PHF14: variants seen among roughly 807,000 people sequenced by gnomAD.
PHF14 encodes PHD finger protein 14.
Under a neutral mutation model 117.9 loss-of-function variants are expected in PHF14, and 55 were observed. That is an observed-to-expected ratio of 0.47 (90% confidence interval 0.38 to 0.58). The LOEUF is 0.58. Ranked by LOEUF, PHF14 falls within the 20% of genes least tolerant of loss-of-function variation. The pLI, the probability that PHF14 is intolerant of heterozygous loss-of-function variation, is 0.00. For synonymous variants in PHF14, 409 were observed against 368.6 expected (o/e 1.11, Z -1.26); for missense variants, 978 against 1,122.2 (o/e 0.87, Z 1.84).
intron 17 of PHF14, among the ~76,000 whole-genome samples, chr7:11,150,809 C>A (rs537857579): frequency 6.6e-6 from 1 of 152,230 alleles, no homozygotes; most frequent in South Asian, 2.1e-4. Flanking sequence ...TACTTAGATT[C>A]TAAGAGTTCA....
rs113170104 is a variant in PHF14, at chr7:10,986,870, T to C, written c.900+3711T>C. ...TATCAATAGAATTGGCATTTTTGTT[T>C]TGTAAAAGAAAGAAGAGCTCTGTTC... On this transcript the variant is annotated intron_variant, in intron 3 of 17. Transcript: ENST00000634607. Among the ~76,000 whole-genome samples, 535 of 152,344 alleles carry C rather than the reference T, an allele frequency of 3.5e-3. 2 individuals carry two copies. Among genetic ancestry groups the C allele is most frequent in the African/African-American group, 0.012 (518 of 41,590 alleles).
At chr7:10,993,879 C>T (rs1782542747) in intron 4 of PHF14, among the ~76,000 whole-genome samples, 1 of 151,672 alleles carries the variant, frequency 6.6e-6, no homozygotes, top group South Asian at 2.1e-4. Flanking sequence ...CATGGTGGCA[C>T]GTGCCTGTAA....
chr7:11,033,304 G>T (rs534077998), intron 7 of PHF14, among the ~76,000 whole-genome samples: 1 of 152,158 alleles, frequency 6.6e-6, no homozygotes, highest in Non-Finnish European at 1.5e-5. Flanking sequence ...GGGGAGTTTG[G>T]TTCCAGGGAT....
Position 11,047,127 on chromosome 7 carries a change from G to A in PHF14, c.2312+4313G>A, listed in dbSNP as rs374602064. On this transcript the variant is annotated intron_variant, in intron 13 of 17. Coordinates refer to ENST00000634607, the MANE Select transcript of PHF14 (RefSeq NM_001007157.2). Reference sequence around the variant, plus strand: ...TCTGTCACCCAGGCTGGGGTGCAGTGGCACAATCGCAACTCACCGCAACTT... The same window carrying A: ...TCTGTCACCCAGGCTGGGGTGCAGTAGCACAATCGCAACTCACCGCAACTT... Among the ~76,000 whole-genome samples, 19 of 151,372 alleles carry A rather than the reference G, an allele frequency of 1.3e-4. No individual in the cohort carries two copies. In the South Asian group the frequency reaches 2.7e-3, roughly 22 times the overall value.
chr7:11,137,035 T>C (rs1221805753), intron 17 of PHF14, among the ~76,000 whole-genome samples: 1 of 152,152 alleles, frequency 6.6e-6, no homozygotes, highest in East Asian at 1.9e-4. Context: ...GGGACAAACA[T>C]TGGTTCTTAT....
chr7:11,104,363 T>A (rs1787186870), intron 16 of PHF14: 7 of 966,530 alleles, frequency 7.2e-6, no homozygotes, highest in Non-Finnish European at 8.6e-6. Flanking sequence ...AAACTTGAAG[T>A]AACTAGAATA....
intron 16 of PHF14, among the ~76,000 whole-genome samples, chr7:11,098,532 C>T (rs559597477): frequency 4.6e-5 from 7 of 152,166 alleles, no homozygotes; most frequent in Non-Finnish European, 1.0e-4. Context: ...TTCCCCCAAC[C>T]TTCTGGCTCG....
Position 11,013,894 on chromosome 7 carries a change from C to A in PHF14, c.1193C>A (p.Thr398Lys). The A allele has an allele frequency of 6.2e-7, 1 of 1,601,420 alleles. No homozygotes were observed. Among genetic ancestry groups the A allele is most frequent in the South Asian group, 1.1e-5 (1 of 89,660 alleles). Residue 398 changes from threonine to lysine, a missense_variant, in exon 5 of 18, where the codon ACA (threonine) becomes AAA (lysine). Coordinates refer to ENST00000634607, the MANE Select transcript of PHF14 (RefSeq NM_001007157.2). ...CPNQDGIFKE[T>K]DAGRWVHIVC... ...AATCAGGATGGAATTTTCAAGGAGA[C>A]AGATGCTGGAAGGTTAATGTCCTAA...
intron 16 of PHF14, among the ~76,000 whole-genome samples, chr7:11,099,443 G>C (rs1485377202): frequency 6.6e-6 from 1 of 152,080 alleles, no homozygotes; most frequent in Non-Finnish European, 1.5e-5. Context: ...ATTACATAGT[G>C]AAGTGTGGTA....
intron 16 of PHF14, among the ~76,000 whole-genome samples, chr7:11,091,380 T>G (rs999939165): frequency 6.6e-6 from 1 of 151,982 alleles, no homozygotes; most frequent in Non-Finnish European, 1.5e-5. Flanking sequence ...TGGAGAAAAA[T>G]ATAATAGGTG....
intron 4 of PHF14, among the ~76,000 whole-genome samples, chr7:11,002,341 G>C (rs1000696139): frequency 3.9e-5 from 6 of 152,092 alleles, no homozygotes; most frequent in African/African-American, 4.8e-5. Context: ...GTAGGTCAAG[G>C]GGGGAGCCAG....
chr7:11,168,015 G>A (rs1392317106), intron 17 of PHF14, among the ~76,000 whole-genome samples: 1 of 113,212 alleles, frequency 8.8e-6, no homozygotes, highest in Admixed American at 1.0e-4. Flanking sequence ...GAAAGAGTCC[G>A]TCTCAAAAAA....
chr7:10,996,926 C>G (rs1229707988), intron 4 of PHF14, among the ~76,000 whole-genome samples: 1 of 152,110 alleles, frequency 6.6e-6, no homozygotes, highest in South Asian at 2.1e-4. Context: ...ACTCAACAGC[C>G]GTAGGTTTTA....
intron 5 of PHF14, among the ~76,000 whole-genome samples, chr7:11,020,300 G>C (rs1783690203): frequency 6.6e-6 from 1 of 152,000 alleles, no homozygotes; most frequent in East Asian, 1.9e-4. Context: ...CTGTTGCCCA[G>C]GCTGGTCTTG....
At chr7:11,037,477 C>T (rs552894594) in intron 10 of PHF14, among the ~76,000 whole-genome samples, 1 of 152,286 alleles carries the variant, frequency 6.6e-6, no homozygotes, top group South Asian at 2.1e-4. Context: ...TCATGTGACT[C>T]TGTTCTCTAT....
At chr7:11,039,487 T>C (rs117154562) in intron 11 of PHF14, among the ~76,000 whole-genome samples, 3,008 of 152,276 alleles carry the variant, frequency 0.02, 40 homozygotes, top group Middle Eastern at 0.044. Context: ...TTTGAATGCC[T>C]TTTTTAGTAC....
chr7:11,014,171 A>C (rs1300389331), intron 5 of PHF14, among the ~76,000 whole-genome samples: 3 of 152,162 alleles, frequency 2.0e-5, no homozygotes, highest in African/African-American at 7.2e-5. Context: ...AACGTTTCTC[A>C]TTTTATAGGT....
chr7:11,074,937 C>CTT lies in PHF14; in HGVS notation c.2654+12870_2654+12871dup, dbSNP rs751367742. ...AAGCTGCTTCCATATTTTCAGATAT[C>CTT]TTTTTTTTTTTTTTTTTTTAGATGG... On this transcript the variant is annotated intron_variant, in intron 16 of 17. Transcript: ENST00000634607. Among the ~76,000 whole-genome samples, 425 of 132,412 alleles carry CTT rather than the reference C, an allele frequency of 3.2e-3. 2 individuals are homozygous for CTT. Among genetic ancestry groups the CTT allele is most frequent in the African/African-American group, 6.4e-3 (225 of 35,280 alleles). The allele number at this position is 132,412 out of a possible 152,430, so 86.9% of individuals were successfully genotyped here.
At chr7:10,984,108 C>G (rs1247637900) in intron 3 of PHF14, among the ~76,000 whole-genome samples, 1 of 151,996 alleles carries the variant, frequency 6.6e-6, no homozygotes, top group South Asian at 2.1e-4. Flanking sequence ...TTATTTTTTT[C>G]CATATCACTG....
Sources: gnomAD v4.1 joint callset for allele counts (sites outside exome capture counted in the v4.1 genomes callset) on GRCh38, gnomAD v4.1.1 for gene constraint, MANE v1.5 for transcripts, NCBI Gene and HGNC (gene_info 2026-07-23, HGNC 2026-07-21) for gene names.